The following TTN variants were observed in gnomAD, a reference collection of about 807,000 sequenced individuals.
The protein encoded by TTN is connectin.
A neutral mutation model predicts 3,223.0 loss-of-function variants in TTN; 1,525 were observed. The observed-to-expected ratio is 0.47, with a 90% confidence interval of 0.45 to 0.49. The LOEUF is 0.49. Among genes scored for constraint, TTN ranks in the 20% least tolerant of loss-of-function variants. The probability of loss-of-function intolerance (pLI) is 0.00; values close to 1 mark genes in which losing one functional copy is unlikely to be tolerated. For synonymous variants in TTN, 14,094 were observed against 15,161.0 expected (o/e 0.93, Z 5.17); for missense variants, 40,786 against 43,424.0 (o/e 0.94, Z 5.40).
rs1560315232 is a variant in TTN at position 178,679,413 on chromosome 2, G to C, written c.33668C>G (p.Pro11223Arg). 1.9e-6 allele frequency: 3 copies of C among 1,612,368 alleles called. No homozygotes were observed. The highest frequency in any genetic ancestry group is 2.5e-6 in the Non-Finnish European group (3 of 1,179,012). Reference protein sequence around the residue: ...KKKEAPPAKVPEVPKKPEEKV... With the variant: ...KKKEAPPAKVREVPKKPEEKV... Reference sequence around the variant, plus strand: ...CTCCTCTGGCTTCTTAGGAACCTCAGGCACTTTAAAGATATTGTTTATTGT... The same window carrying C: ...CTCCTCTGGCTTCTTAGGAACCTCACGCACTTTAAAGATATTGTTTATTGT... The change falls in exon 142 of 363, where the codon CCT becomes CGT. Residue 11223 changes from proline (P) to arginine (R), a missense_variant. Pro to Arg is a moderately radical substitution (Grantham distance 103). Coordinates refer to ENST00000589042, the MANE Select transcript of TTN (RefSeq NM_001267550.2).
chr2:178,728,473 G>C, intron 66 of TTN, 27 bp downstream of exon 66: 2 of 1,591,058 alleles, frequency 1.3e-6, no homozygotes, highest in South Asian at 2.3e-5. Flanking sequence ...ATAAATAAGG[G>C]AAGCTGACTG....
chr2:178,756,902 C>T (rs562398074), intron 45 of TTN, 105 bp from the exon 46 acceptor site: 23 of 1,036,816 alleles, frequency 2.2e-5, no homozygotes, highest in East Asian at 5.1e-5. Context: ...AGATGAAAGA[C>T]GTAGTTGTCA....
chr2:178,770,441 A>G lies in TTN; in HGVS notation c.8351T>C (p.Leu2784Pro). ...ESVYGFRLGR[L>P]GASARLHVET... is the part of the protein sequence containing the mutation. ...CACGTGCAGTCTGGCACTGGCTCCA[A>G]GCCTTCCAAGCCTGAAGCCATAAAC... is the stretch of plus-strand genomic sequence containing the variant. Residue 2784 changes from leucine to proline, a missense_variant, in exon 35 of 363, where the codon CTT (leucine) becomes CCT (proline). Physicochemically the swap from Leu to Pro is moderately conservative, Grantham distance 98. Transcript: ENST00000589042. 2.5e-6 allele frequency: 4 copies of G among 1,614,154 alleles called. No homozygotes were observed. The highest frequency in any genetic ancestry group is 3.4e-6 in the Non-Finnish European group (4 of 1,180,018).
In TTN at chr2:178,574,539, T is replaced by C; in HGVS notation, c.71593A>G (p.Arg23865Gly). 1 of 1,613,604 alleles carries C rather than the reference T, an allele frequency of 6.2e-7. No individual in the cohort carries two copies. The highest frequency in any genetic ancestry group is 1.1e-5 in the South Asian group (1 of 91,068). ...GSPILGYHVE[R>G]KERNGILWQT... ...CAGAGAATACCATTTCGTTCTTTTC[T>C]TTCAACATGATATCCTAAAATGGGG... The change falls in exon 326 of 363, where the codon AGA becomes GGA. Residue 23865 changes from arginine to glycine, a missense_variant. Transcript: ENST00000589042.
Position 178,733,321 on chromosome 2 carries a change from C to T in TTN, c.15972G>A (p.Glu5324=), listed in dbSNP as rs1057522988. 8.1e-6 allele frequency: 13 copies of T among 1,613,776 alleles called. No individual in the cohort carries two copies. Among genetic ancestry groups the T allele is most frequent in the East Asian group, 2.2e-5 (1 of 44,850 alleles). The change falls in exon 54 of 363, where the codon GAG becomes GAA. Residue 5324 remains glutamate (E), a synonymous_variant. Transcript: ENST00000589042. Reference sequence around the variant, plus strand: ...ATGTGTATTGGCCACTGTCGTGCAGCTCAGCTGAATAAAATTTGAGCTGGG... The same window carrying T: ...ATGTGTATTGGCCACTGTCGTGCAGTTCAGCTGAATAAAATTTGAGCTGGG... ...NVAQLKFYSA[E]LHDSGQYTFE... is the part of the protein sequence containing the mutation.
In TTN at chr2:178,713,253, G is replaced by A. The variant is rs2076926371; in HGVS notation, c.26881C>T (p.His8961Tyr). 6.2e-7 allele frequency: 1 copy of A among 1,612,522 alleles called. No individual in the cohort carries two copies. Among genetic ancestry groups the A allele is most frequent in the African/African-American group, 1.3e-5 (1 of 74,864 alleles). ...GSPPISVSWFHEGNEISSGRK... is the reference protein window; with the variant it reads ...GSPPISVSWFYEGNEISSGRK... The stretch of plus-strand genomic sequence containing the variant: ...CCACTACTGATCTCATTTCCTTCAT[G>A]GAACCAGGAGACAGAGATTGGAGGT... Residue 8961 changes from histidine to tyrosine, a missense_variant, in exon 93 of 363, where the codon CAT becomes TAT. By Grantham distance (83) the His-to-Tyr change is moderately conservative. Transcript: ENST00000589042.
chr2:178,610,253 C>T lies in TTN; in HGVS notation c.51273G>A (p.Arg17091=), dbSNP rs532589236. The change falls in exon 271 of 363, where the codon AGG becomes AGA. Residue 17091 remains arginine (R), a synonymous_variant. Transcript: ENST00000589042. Reference sequence around the variant, plus strand: ...CAGACATGACTGGTATATATGTTCTCCTCCCAGCTTCTCTGCGCTCCAGGA... The same window carrying T: ...CAGACATGACTGGTATATATGTTCTTCTCCCAGCTTCTCTGCGCTCCAGGA... ...HYVLERREAG[R]RTYIPVMSGE... is the part of the protein sequence containing the mutation. 150 of 1,613,024 alleles carry T rather than the reference C, an allele frequency of 9.3e-5. 2 individuals are homozygous for T. The South Asian group carries it at 1.6e-3, about 18-fold the overall frequency.
Position 178,589,525 on chromosome 2 carries a change from C to T in TTN, c.62200G>A (p.Val20734Ile). ...KETHYMVDRCVENQIYEFRVQ... is the reference protein window; with the variant it reads ...KETHYMVDRCIENQIYEFRVQ... Reference sequence around the variant, plus strand: ...CTGAACTCATAAATCTGGTTTTCAACACATCTGTCAACCATGTAGTGAGTT... The same window carrying T: ...CTGAACTCATAAATCTGGTTTTCAATACATCTGTCAACCATGTAGTGAGTT... The change falls in exon 304 of 363, where the codon GTT becomes ATT. Residue 20734 changes from valine to isoleucine, a missense_variant. By Grantham distance (29) the Val-to-Ile change is conservative. Coordinates refer to ENST00000589042, the MANE Select transcript of TTN (RefSeq NM_001267550.2). The T allele has an allele frequency of 6.2e-7, 1 of 1,613,382 alleles. No homozygotes were observed. Among genetic ancestry groups the T allele is most frequent in the Non-Finnish European group, 8.5e-7 (1 of 1,179,610 alleles).
chr2:178,559,751 T>A lies in TTN; in HGVS notation c.86381A>T (p.Asp28794Val), dbSNP rs544440335. Residue 28794 changes from aspartate (D) to valine (V), a missense_variant, in exon 326 of 363, where the codon GAC becomes GTC. Physicochemically the swap from Asp to Val is radical, Grantham distance 152. Coordinates refer to ENST00000589042, the MANE Select transcript of TTN (RefSeq NM_001267550.2). Reference sequence around the variant, plus strand: ...ATCAACATAAGCTCTAGTACGGAGGTCAGTGTCTGGCTTACTCCACAAGAC... The same window carrying A: ...ATCAACATAAGCTCTAGTACGGAGGACAGTGTCTGGCTTACTCCACAAGAC... ...PNVLWSKPDT[D>V]LRTRAYVDTT... is the part of the protein sequence containing the mutation. The A allele has an allele frequency of 6.3e-7, 1 of 1,598,620 alleles. No homozygotes were observed. Among genetic ancestry groups the A allele is most frequent in the African/African-American group, 1.3e-5 (1 of 74,728 alleles).
rs760443248 is a variant in TTN, at chr2:178,563,530, A to G, written c.82602T>C (p.Leu27534=). ...TGAATTCATAGGAATGGCCTTCGGT[A>G]AGACCAGTTACCCTGAGCCGCAGAT... The part of the protein sequence containing the change: ...LTDLRLRVTG[L]TEGHSYEFRV... Residue 27534 remains leucine, a synonymous_variant, in exon 326 of 363, where the codon CTT becomes CTC. Coordinates refer to ENST00000589042, the MANE Select transcript of TTN (RefSeq NM_001267550.2). The surrounding 1 kb of genome is among the most constrained non-coding windows in gnomAD (Gnocchi z 4.5). 2 of 1,613,810 alleles carry G rather than the reference A, an allele frequency of 1.2e-6. No homozygotes were observed. Among genetic ancestry groups the G allele is most frequent in the East Asian group, 4.5e-5 (2 of 44,846 alleles).
rs752801232 is a variant in TTN at position 178,653,420 on chromosome 2, C to G, written c.38707+7G>C. On this transcript the variant is annotated splice_region_variant and intron_variant, in intron 197 of 362. Coordinates refer to ENST00000589042, the MANE Select transcript of TTN (RefSeq NM_001267550.2). ...TCTTCTGAAGCTTAAGGTCAAATGA[C>G]AAGTACCTGTAACAGGTGGAACTTC... 26 of 1,592,824 alleles carry G rather than the reference C, an allele frequency of 1.6e-5. No individual in the cohort carries two copies. The African/African-American group carries it at 3.5e-4, about 21-fold the overall frequency.
At chr2:178,695,059 C>T (rs1432918713) in intron 115 of TTN, among the ~76,000 whole-genome samples, 153 bp from the exon 116 acceptor site, 5 of 151,624 alleles carry the variant, frequency 3.3e-5, no homozygotes, top group South Asian at 2.1e-4. Context: ...GAGATGAGTT[C>T]GGTTTTTTTT....
chr2:178,616,333 G>A lies in TTN; in HGVS notation c.48312+146C>T, dbSNP rs528585203. 22 of 1,012,624 alleles carry A rather than the reference G, an allele frequency of 2.2e-5. No homozygotes were observed. In the East Asian group the frequency reaches 4.7e-4, roughly 21 times the overall value. The allele number at this position is 1,012,624 out of a possible 1,614,324, so 62.7% of individuals were successfully genotyped here. A position where few individuals can be genotyped will look rare whatever the true frequency, so the allele number is the denominator to read the frequency against. ...AGCTACCTCAGGAAGCATTAGCACC[G>A]ATGCATTCTTAAAAAGTTTTTGTAC... On this transcript the variant is annotated intron_variant, in intron 257 of 362. Transcript: ENST00000589042.
intron 157 of TTN, 128 bp from the exon 158 acceptor site, chr2:178,669,803 A>C: frequency 1.2e-6 from 1 of 853,702 alleles, no homozygotes; most frequent in East Asian, 2.5e-5. Flanking sequence ...ACTATAAGTC[A>C]AATGTAGTCA....
Position 178,758,078 on chromosome 2 carries a change from A to G in TTN, c.10304-162T>C, listed in dbSNP as rs77535462. On this transcript the variant is annotated intron_variant, in intron 44 of 362. Transcript: ENST00000589042. ...GTCACTATTGACTCGAAGTCACACA[A>G]GTTCACTTCCATTTCCCAGAGAAGC... Among the ~76,000 whole-genome samples the G allele has an allele frequency of 0.05, 7,664 of 152,246 alleles. 384 individuals are homozygous for G. Among genetic ancestry groups the G allele is most frequent in the East Asian group, 0.2 (1,026 of 5,162 alleles).
intron 236 of TTN, among the ~76,000 whole-genome samples, chr2:178,631,892 G>T (rs1446469396): frequency 6.6e-6 from 1 of 152,002 alleles, no homozygotes; most frequent in East Asian, 1.9e-4. Context: ...ACATGACAGG[G>T]CTCAATAATT....
chr2:178,630,455 G>A, intron 238 of TTN, 88 bp from the exon 239 acceptor site: 1 of 1,429,398 alleles, frequency 7.0e-7, no homozygotes, highest in South Asian at 1.3e-5. Flanking sequence ...TTAAAGGAAT[G>A]CAACAAATAA....
rs960935807 is a variant in TTN at position 178,583,196 on chromosome 2, C to T, written c.65607G>A (p.Met21869Ile). The change falls in exon 313 of 363, where the codon ATG becomes ATA. Residue 21869 changes from methionine to isoleucine, a missense_variant. Met to Ile is a conservative substitution (Grantham distance 10). Coordinates refer to ENST00000589042, the MANE Select transcript of TTN (RefSeq NM_001267550.2). ...VPPRIDLSVA[M>I]KSLLTVKAGT... The stretch of plus-strand genomic sequence containing the variant: ...CAGCTTTCACAGTAAGCAAAGATTT[C>T]ATAGCCACACTCAGGTCTATCCTGG... 2.5e-6 allele frequency: 4 copies of T among 1,608,572 alleles called. No individual in the cohort carries two copies. The highest frequency in any genetic ancestry group is 3.4e-6 in the Non-Finnish European group (4 of 1,176,516).
At position 178,670,244 on chromosome 2, in the gene TTN, TC is replaced by T; in HGVS notation, c.35359del (p.Glu11787LysfsTer28). On this transcript the variant is annotated frameshift_variant, in exon 157 of 363. Transcript: ENST00000589042. LOFTEE classifies it high-confidence loss of function. ...TTTAGTTGGTGGAACTCTGGGCTCT[TC>T]AGGAACACGTACTTTTTCTTCTACC... ...IVVEEKVRVPEEPRVPPTKAP... is the reference protein window; with the variant it reads ...IVVEEKVRVPXEPRVPPTKAP... 6.7e-7 allele frequency: 1 copy of T among 1,498,270 alleles called. No individual in the cohort carries two copies. 92.8% of individuals were successfully genotyped at this position (1,498,270 alleles called of 1,614,324 possible). A position where few individuals can be genotyped will look rare whatever the true frequency, so the allele number is the denominator to read the frequency against.
Sources: allele counts gnomAD v4.1 joint callset (sites outside exome capture counted in the v4.1 genomes callset), GRCh38; gene constraint gnomAD v4.1.1; non-coding constraint Gnocchi (gnomAD v3.1); transcripts MANE v1.5; gene names NCBI Gene and HGNC (gene_info 2026-07-23, HGNC 2026-07-21).